The following VAV2 variants were observed in gnomAD, a reference collection of about 807,000 sequenced individuals.
VAV2 encodes vav guanine nucleotide exchange factor 2, also known as guanine nucleotide exchange factor VAV2.
Under a neutral mutation model 132.5 loss-of-function variants are expected in VAV2, and 67 were observed. The observed-to-expected ratio is 0.51, with a 90% CI of 0.42 to 0.62. The LOEUF (loss-of-function observed/expected upper bound fraction) is 0.62, where lower values mean the gene tolerates loss of function less well. VAV2 is among the 20% of genes least tolerant of loss of function. The probability of loss-of-function intolerance (pLI) is 0.00; values close to 1 mark genes in which losing one functional copy is unlikely to be tolerated. For synonymous variants in VAV2, 492 were observed against 443.5 expected (o/e 1.11, Z -1.37); for missense variants, 938 against 1,153.6 (o/e 0.81, Z 2.71).
chr9:133,790,752 C>T (rs1445636776), intron 13 of VAV2, among the ~76,000 whole-genome samples: 4 of 151,816 alleles, frequency 2.6e-5, no homozygotes, highest in Admixed American at 6.6e-5. Context: ...TTTCTTTCAT[C>T]GCCGACGTAT....
At position 133,778,821 on chromosome 9, in the gene VAV2, A is replaced by G. The variant is rs771733049; in HGVS notation, c.1831T>C (p.Phe611Leu). 6.2e-7 allele frequency: 1 copy of G among 1,613,094 alleles called. No homozygotes were observed. Among genetic ancestry groups the G allele is most frequent in the Non-Finnish European group, 8.5e-7 (1 of 1,180,006 alleles). The change falls in exon 22 of 30, where the codon TTC (phenylalanine) becomes CTC (leucine). Residue 611 changes from phenylalanine to leucine, a missense_variant. Physicochemically the swap from Phe to Leu is conservative, Grantham distance 22. Transcript: ENST00000371850. ...AGCTCAAGCACGTCGCCCGTCTGGA[A>G]GGTCAGCACAGGCTTCCCGGGAGGG... The part of the protein sequence containing the change: ...PAPPGKPVLT[F>L]QTGDVLELLR...
At chr9:133,976,761 C>T (rs893608346) in intron 1 of VAV2, among the ~76,000 whole-genome samples, 2 of 152,232 alleles carry the variant, frequency 1.3e-5, no homozygotes, top group Admixed American at 6.5e-5. Context: ...CTGGCTTCCC[C>T]GCCTTAGCAT....
At chr9:133,896,927 T>C (rs1166644647) in intron 2 of VAV2, among the ~76,000 whole-genome samples, 1 of 151,996 alleles carries the variant, frequency 6.6e-6, no homozygotes, top group African/African-American at 2.4e-5. Flanking sequence ...ACCCCGTCTC[T>C]ACTAAAAATA....
In VAV2 at chr9:133,786,075, G is replaced by T. The variant is rs1287293597; in HGVS notation, c.1423-190C>A. On this transcript the variant is annotated intron_variant, in intron 16 of 29. Transcript: ENST00000371850. ...TCTTGCCCATGCTGTACGTGCACAC[G>T]TGCCTCTGTATGCATGCATGTATAG... 4.7e-6 allele frequency: 3 copies of T among 643,834 alleles called. No homozygotes were observed. The East Asian group carries it at 8.6e-5, about 19-fold the overall frequency. 39.9% of individuals were successfully genotyped at this position (643,834 alleles called of 1,614,324 possible).
chr9:133,849,269 C>T lies in VAV2; in HGVS notation c.380+12105G>A, dbSNP rs141161830. Among the ~76,000 whole-genome samples the T allele has an allele frequency of 7.5e-3, 1,147 of 152,316 alleles. 13 individuals carry two copies. Among genetic ancestry groups the T allele is most frequent in the African/African-American group, 0.025 (1,057 of 41,556 alleles). ...GAGGAGGCCACTGACCCCGAAGGCT[C>T]ACCCCTCATCCCTGCTACCTGGAGG... is the stretch of plus-strand genomic sequence containing the variant. On this transcript the variant is annotated intron_variant, in intron 3 of 29. Coordinates refer to ENST00000371850, the MANE Select transcript of VAV2 (RefSeq NM_001134398.2).
intron 3 of VAV2, among the ~76,000 whole-genome samples, chr9:133,853,085 G>C (rs1038644645): frequency 6.6e-6 from 1 of 152,238 alleles, no homozygotes; most frequent in Admixed American, 6.5e-5. Context: ...CCAGCCGCCA[G>C]CCACTCGGCT....
At chr9:133,871,467 C>CGGAT (rs149156422) in intron 2 of VAV2, among the ~76,000 whole-genome samples, 3,031 of 141,060 alleles carry the variant, frequency 0.021, 42 homozygotes, top group Non-Finnish European at 0.03. Flanking sequence ...GATGGAGAAG[C>CGGAT]GGATGGATGG....
At chr9:133,849,745 G>A (rs368447803) in intron 3 of VAV2, among the ~76,000 whole-genome samples, 1 of 152,188 alleles carries the variant, frequency 6.6e-6, no homozygotes, top group East Asian at 1.9e-4. Flanking sequence ...CTGGCTTATG[G>A]CTACATCATT....
chr9:133,891,093 A>C (rs1319030668), intron 2 of VAV2, among the ~76,000 whole-genome samples: 1 of 151,448 alleles, frequency 6.6e-6, no homozygotes, highest in Non-Finnish European at 1.5e-5. Flanking sequence ...TTTCTCTCCA[A>C]GGCTCTTGCA....
chr9:133,923,350 CAGA>C (rs1427760294), intron 2 of VAV2, among the ~76,000 whole-genome samples: 1 of 152,036 alleles, frequency 6.6e-6, no homozygotes, highest in East Asian at 1.9e-4. Flanking sequence ...GGTATATAGC[CAGA>C]AGAATTCAAA....
At chr9:133,856,637 T>C (rs1454166086) in intron 3 of VAV2, among the ~76,000 whole-genome samples, 2 of 152,274 alleles carry the variant, frequency 1.3e-5, no homozygotes, top group Non-Finnish European at 2.9e-5. Context: ...ACACAGACTC[T>C]TACAGTTCAG....
intron 12 of VAV2, among the ~76,000 whole-genome samples, chr9:133,793,961 T>C (rs939459064): frequency 6.6e-6 from 1 of 152,082 alleles, no homozygotes; most frequent in Non-Finnish European, 1.5e-5. Flanking sequence ...AGTTTCATGA[T>C]GAGGTTCGGT....
intron 4 of VAV2, among the ~76,000 whole-genome samples, chr9:133,829,453 G>T (rs556175990): frequency 6.6e-6 from 1 of 152,348 alleles, no homozygotes; most frequent in East Asian, 1.9e-4. Flanking sequence ...CACTGGCCAC[G>T]TGTGGCTGTC....
At chr9:133,784,187 G>A (rs1834126222) in intron 18 of VAV2, 130 bp downstream of exon 18, 2 of 1,002,212 alleles carry the variant, frequency 2.0e-6, no homozygotes, top group Non-Finnish European at 3.1e-6. Flanking sequence ...CCTGACTCTT[G>A]TGGGGTATAC....
chr9:133,803,190 C>T (rs1038549802), intron 9 of VAV2, among the ~76,000 whole-genome samples: 20 of 152,174 alleles, frequency 1.3e-4, no homozygotes, highest in Non-Finnish European at 1.3e-4. Flanking sequence ...TCTCCACATA[C>T]GCAGGGAGAT....
intron 2 of VAV2, among the ~76,000 whole-genome samples, chr9:133,904,448 C>G (rs545864797): frequency 6.6e-6 from 1 of 152,256 alleles, no homozygotes; most frequent in East Asian, 1.9e-4. Context: ...AGGAAGCACC[C>G]GGAATCACTC....
intron 25 of VAV2, 60 bp downstream of exon 25, chr9:133,774,875 C>T: frequency 1.4e-6 from 2 of 1,464,088 alleles, no homozygotes; most frequent in South Asian, 2.4e-5. Context: ...GAGGATGGTG[C>T]TCTCCACTTC....
intron 3 of VAV2, among the ~76,000 whole-genome samples, chr9:133,853,469 C>G (rs999630382): frequency 6.6e-6 from 1 of 152,110 alleles, no homozygotes; most frequent in Non-Finnish European, 1.5e-5. Context: ...GCTTGCTTGT[C>G]CCCTCTCTGC....
chr9:133,987,832 G>A (rs577581216), intron 1 of VAV2, among the ~76,000 whole-genome samples: 3 of 152,260 alleles, frequency 2.0e-5, no homozygotes, highest in East Asian at 1.9e-4. Context: ...TTAAACCCAC[G>A]GGGCTTCCAG....
Sources: allele counts gnomAD v4.1 joint callset (sites outside exome capture counted in the v4.1 genomes callset), GRCh38; gene constraint gnomAD v4.1.1; transcripts MANE v1.5; gene names NCBI Gene and HGNC (gene_info 2026-07-23, HGNC 2026-07-21).